The following VNN2 variants were observed in gnomAD, a reference collection of about 807,000 sequenced individuals.
VNN2 encodes the protein vanin 2, also known as pantetheine hydrolase VNN2.
Under a neutral mutation model 43.0 loss-of-function variants are expected in VNN2, and 43 were observed. The ratio of observed to expected loss-of-function variants is 1.00; its 90% CI spans 0.78 to 1.29. The LOEUF is 1.29. VNN2 is among the 50% of genes most tolerant of loss of function. The probability of loss-of-function intolerance (pLI) is 0.00; values close to 1 mark genes in which losing one functional copy is unlikely to be tolerated. For synonymous variants in VNN2, 230 were observed against 224.3 expected, an observed-to-expected ratio of 1.03 and a Z score of -0.23; for missense variants, 652 against 619.7, an observed-to-expected ratio of 1.05 and a Z score of -0.55.
rs755266361 is a variant in VNN2 at position 132,752,456 on chromosome 6, A to G, written c.826+5T>C. 1.9e-6 allele frequency: 3 copies of G among 1,609,558 alleles called. No homozygotes were observed. Among genetic ancestry groups the G allele is most frequent in the Admixed American group, 1.7e-5 (1 of 59,590 alleles). ...AAGATGAAACCTAACCTGGTCATGA[A>G]TTACCTGTCATATTTAGGCTGACAT... On this transcript the variant is annotated splice_donor_5th_base_variant and intron_variant, in intron 4 of 6. Coordinates refer to ENST00000326499, the MANE Select transcript of VNN2 (RefSeq NM_004665.6).
upstream of VNN2, chr6:132,758,026 TCTTCTTCTTCTTC>T (rs1389749240): frequency 0.029 from 3,503 of 120,004 alleles, 447 homozygotes; most frequent in Admixed American, 0.12. Context: ...TTCTTCTTCT[TCTTCTTCTTCTTC>T]TTTTTTTTTT....
Position 132,744,025 on chromosome 6 carries a change from G to T in VNN2, c.*275C>A, listed in dbSNP as rs146903698. The T allele has an allele frequency of 3.9e-6, 1 of 257,426 alleles. No homozygotes were observed. The highest frequency in any genetic ancestry group is 7.3e-6 in the Non-Finnish European group (1 of 137,662). 15.9% of individuals were successfully genotyped at this position (257,426 alleles called of 1,614,324 possible). A position where few individuals can be genotyped will look rare whatever the true frequency, so the allele number is the denominator to read the frequency against. The stretch of plus-strand genomic sequence containing the variant: ...GTCCCCCATACACACAAAGTCTCAA[G>T]CAAATGAGGCTGGAGCTGGAGTTTG... On this transcript the variant is annotated 3_prime_UTR_variant, in exon 7 of 7. Transcript: ENST00000326499.
chr6:132,746,225 T>C (rs12663385), intron 6 of VNN2, among the ~76,000 whole-genome samples: 9,464 of 152,256 alleles, frequency 0.062, 346 homozygotes, highest in East Asian at 0.13. Flanking sequence ...TCCACATTTG[T>C]GGGCATGGTG....
chr6:132,750,136 G>A (rs756780109), intron 5 of VNN2, among the ~76,000 whole-genome samples: 3 of 152,090 alleles, frequency 2.0e-5, no homozygotes, highest in South Asian at 2.1e-4. Context: ...TGATGGCATC[G>A]AGCTCAATGA....
At chr6:132,749,201 T>G (rs62425100) in intron 6 of VNN2, among the ~76,000 whole-genome samples, 1 of 151,840 alleles carries the variant, frequency 6.6e-6, no homozygotes, top group Non-Finnish European at 1.5e-5. Context: ...GTCTGAGTTC[T>G]TCATTTCTCT....
chr6:132,744,704 A>C (rs949262462), intron 6 of VNN2, among the ~76,000 whole-genome samples: 5 of 152,328 alleles, frequency 3.3e-5, no homozygotes, highest in Non-Finnish European at 7.3e-5. Flanking sequence ...TTCAACAATC[A>C]AATGTAACCA....
Position 132,753,253 on chromosome 6 carries a change from C to T in VNN2, c.538-504G>A, listed in dbSNP as rs1780242580. 2.0e-5 allele frequency: 5 copies of T among 249,366 alleles called. 1 individual carries two copies. In the South Asian group the frequency reaches 2.1e-4, roughly 11 times the overall value. The allele number at this position is 249,366 out of a possible 1,614,324, so 15.4% of individuals were successfully genotyped here. A position where few individuals can be genotyped will look rare whatever the true frequency, so the allele number is the denominator to read the frequency against. On this transcript the variant is annotated intron_variant, in intron 3 of 6. Coordinates refer to ENST00000326499, the MANE Select transcript of VNN2 (RefSeq NM_004665.6). ...TGTCAGCCAGGATGATCTCAATCTCCTGACCTCATGATCCACCCACCTGGG... is the reference window on the plus strand; with the variant it reads ...TGTCAGCCAGGATGATCTCAATCTCTTGACCTCATGATCCACCCACCTGGG...
chr6:132,744,390 G>A lies in VNN2; in HGVS notation c.1473C>T (p.Ser491=), dbSNP rs200076055. 94 of 1,613,750 alleles carry A rather than the reference G, an allele frequency of 5.8e-5. 1 individual carries two copies. In the Admixed American group the frequency reaches 1.5e-3, roughly 25 times the overall value. The part of the protein sequence containing the change: ...GRWYTKDSLY[S]SCGTSNSAIT... Reference sequence around the variant, plus strand: ...TTGCTGAATTGCTGGTCCCACATGAGCTGTAAAGTGAGTCCTTTGTGTACC... The same window carrying A: ...TTGCTGAATTGCTGGTCCCACATGAACTGTAAAGTGAGTCCTTTGTGTACC... The change falls in exon 7 of 7, where the codon AGC becomes AGT. Residue 491 remains serine, a synonymous_variant. Coordinates refer to ENST00000326499, the MANE Select transcript of VNN2 (RefSeq NM_004665.6).
chr6:132,750,982 G>A (rs566601882), intron 5 of VNN2, among the ~76,000 whole-genome samples, 163 bp downstream of exon 5: 14 of 147,804 alleles, frequency 9.5e-5, no homozygotes, highest in African/African-American at 2.6e-4. Flanking sequence ...GTGTATGTAC[G>A]TGCATAAATG....
chr6:132,756,096 G>C, intron 2 of VNN2, 61 bp from the exon 3 acceptor site: 1 of 1,417,600 alleles, frequency 7.1e-7, no homozygotes, highest in East Asian at 2.5e-5. Context: ...CACTTTATAT[G>C]GAAACGATAG....
upstream of VNN2, chr6:132,760,539 C>A (rs998948530): frequency 3.3e-5 from 5 of 151,780 alleles, no homozygotes; most frequent in Non-Finnish European, 5.9e-5. Flanking sequence ...GGCAAATTTG[C>A]TAAGTGCTAA....
At chr6:132,762,879 T>C (rs1413900779), upstream of VNN2, among the ~76,000 whole-genome samples, 1 of 152,144 alleles carries the variant, frequency 6.6e-6, no homozygotes. Context: ...CTCAGAAACT[T>C]AGGGTTGAAG....
intron 6 of VNN2, among the ~76,000 whole-genome samples, chr6:132,749,338 C>T (rs1461860382): frequency 1.3e-5 from 2 of 152,202 alleles, no homozygotes; most frequent in African/African-American, 4.8e-5. Flanking sequence ...TGGACTCATT[C>T]AGCTAACATG....
Position 132,757,472 on chromosome 6 carries a change from A to T in VNN2, c.288T>A (p.Tyr96Ter). Residue 96 changes from tyrosine to a stop codon, truncating the protein, a stop_gained, in exon 2 of 7, where the codon TAT becomes TAA. Coordinates refer to ENST00000326499, the MANE Select transcript of VNN2 (RefSeq NM_004665.6). LOFTEE classifies it high-confidence loss of function. ...WKFTRETVFPYLEDIPDPQVN... is the reference protein window; with the variant it reads ...WKFTRETVFP The stretch of plus-strand genomic sequence containing the variant: ...CCTGAGGGTCTGGGATATCCTCCAG[A>T]TAAGGGAAAACAGTTTCCCTGGTAA... 6.2e-7 allele frequency: 1 copy of T among 1,614,040 alleles called. No individual in the cohort carries two copies.
upstream of VNN2, among the ~76,000 whole-genome samples, chr6:132,762,284 C>CA (rs1780757004): frequency 6.6e-6 from 1 of 152,060 alleles, no homozygotes; most frequent in South Asian, 2.1e-4. Context: ...CTCCTGAATG[C>CA]AAAATGACAA....
Position 132,751,534 on chromosome 6 carries a change from A to T in VNN2, c.827-16T>A. The T allele has an allele frequency of 1.9e-6, 3 of 1,586,430 alleles. No individual in the cohort carries two copies. Among genetic ancestry groups the T allele is most frequent in the Non-Finnish European group, 2.6e-6 (3 of 1,166,856 alleles). ...ATACCACTTCCTGTGAATGAAAGAC[A>T]AGTCTTCTAAAAACAACACCACACA... On this transcript the variant is annotated splice_polypyrimidine_tract_variant and intron_variant, in intron 4 of 6. Transcript: ENST00000326499.
Position 132,757,545 on chromosome 6 carries a change from C to A in VNN2, c.215G>T (p.Gly72Val), listed in dbSNP as rs765813132. The stretch of plus-strand genomic sequence containing the variant: ...TTCTGGAGTCACAATGATTCGAGCA[C>A]CCTGTTCAAAACAAGCAAAATAAAA... ...ETAIKQAAEQ[G>V]ARIIVTPEDA... is the part of the protein sequence containing the mutation. The change falls in exon 2 of 7, where the codon GGT (glycine) becomes GTT (valine). Residue 72 changes from glycine to valine, a missense_variant and splice_region_variant. Transcript: ENST00000326499. 6.2e-7 allele frequency: 1 copy of A among 1,613,094 alleles called. No homozygotes were observed. The highest frequency in any genetic ancestry group is 1.1e-5 in the South Asian group (1 of 90,874).
intron 1 of VNN2, among the ~76,000 whole-genome samples, chr6:132,763,170 T>G (rs1780778568): frequency 6.6e-6 from 1 of 151,884 alleles, no homozygotes; most frequent in Admixed American, 6.6e-5. Flanking sequence ...TGTAGGCAGT[T>G]GGAGAGACAT....
chr6:132,759,486 G>A (rs1485918547), upstream of VNN2, among the ~76,000 whole-genome samples: 1 of 149,252 alleles, frequency 6.7e-6, no homozygotes, highest in Non-Finnish European at 1.5e-5. Flanking sequence ...AATACAGGAT[G>A]TGATCTCAGA....
Sources: gnomAD v4.1 joint callset for allele counts (sites outside exome capture counted in the v4.1 genomes callset) on GRCh38, gnomAD v4.1.1 for gene constraint, MANE v1.5 for transcripts, NCBI Gene and HGNC (gene_info 2026-07-23, HGNC 2026-07-21) for gene names.